The following HIBADH variants were observed in gnomAD, a reference collection of about 807,000 sequenced individuals.
HIBADH encodes the protein 3-hydroxyisobutyrate dehydrogenase, also known as 3-hydroxyisobutyrate dehydrogenase, mitochondrial.
A neutral mutation model predicts 36.1 loss-of-function variants in HIBADH; 25 were observed. That is an observed-to-expected ratio of 0.69 (90% CI 0.50 to 0.97). HIBADH has a LOEUF of 0.97. Ranked by LOEUF, HIBADH falls within the 50% of genes least tolerant of loss-of-function variation. The probability of loss-of-function intolerance (pLI) is 0.00; values close to 1 mark genes in which losing one functional copy is unlikely to be tolerated. For missense variants in HIBADH, 421 were observed against 418.0 expected (o/e 1.01, Z -0.06); for synonymous variants, 160 against 149.5 (o/e 1.07, Z -0.51).
intron 1 of HIBADH, among the ~76,000 whole-genome samples, chr7:27,660,655 A>G (rs988438119): frequency 2.0e-5 from 3 of 147,652 alleles, no homozygotes; most frequent in African/African-American, 7.7e-5. Context: ...ACAGACAAAG[A>G]CTCCGAGGGA....
At chr7:27,541,766 T>TA (rs747089495) in intron 5 of HIBADH, 33 of 426,236 alleles carry the variant, frequency 7.7e-5, no homozygotes, top group African/African-American at 2.7e-4. Context: ...CTAAACATGA[T>TA]AAAAAAATAC....
intron 1 of HIBADH, among the ~76,000 whole-genome samples, chr7:27,661,585 C>CAAA (rs61214015): frequency 6.0e-4 from 41 of 68,730 alleles, no homozygotes; most frequent in East Asian, 1.4e-3. Flanking sequence ...GACCCTGTCT[C>CAAA]AAAAAAAAAA....
intron 4 of HIBADH, among the ~76,000 whole-genome samples, chr7:27,576,196 C>A (rs1045275223): frequency 6.6e-6 from 1 of 152,270 alleles, no homozygotes; most frequent in East Asian, 1.9e-4. Context: ...AACCATTACA[C>A]CTATGTTCAC....
rs142741366 is a variant in HIBADH at position 27,627,492 on chromosome 7, A to G, written c.484+1879T>C. 1.8e-4 allele frequency among the ~76,000 whole-genome samples: 27 copies of G among 151,980 alleles called. No individual in the cohort carries two copies. In the East Asian group the frequency reaches 4.6e-3, roughly 26 times the overall value. ...ATTATTAAACTCTTTCTCTACTGCA[A>G]CTCCCATTGTGTCTGCATACTGGTC... On this transcript the variant is annotated intron_variant, in intron 4 of 7. Coordinates refer to ENST00000265395, the MANE Select transcript of HIBADH (RefSeq NM_152740.4).
chr7:27,550,654 C>T (rs1363928505), intron 4 of HIBADH, among the ~76,000 whole-genome samples: 1 of 152,180 alleles, frequency 6.6e-6, no homozygotes, highest in African/African-American at 2.4e-5. Flanking sequence ...CATGACCCCC[C>T]TTTCTCTATT....
chr7:27,638,308 CAA>C (rs368715218), intron 2 of HIBADH, among the ~76,000 whole-genome samples: 26 of 55,474 alleles, frequency 4.7e-4, no homozygotes, highest in Middle Eastern at 0.017. Flanking sequence ...TTGGCAAAGT[CAA>C]AAAAAAAAAA....
At chr7:27,643,464 T>A (rs1320143753) in intron 2 of HIBADH, among the ~76,000 whole-genome samples, 1 of 152,230 alleles carries the variant, frequency 6.6e-6, no homozygotes, top group African/African-American at 2.4e-5. Flanking sequence ...CATGCATAAT[T>A]AACTCACTTA....
In HIBADH at chr7:27,595,263, T is replaced by G. The variant is rs113160936; in HGVS notation, c.484+34108A>C. On this transcript the variant is annotated intron_variant, in intron 4 of 7. Coordinates refer to ENST00000265395, the MANE Select transcript of HIBADH (RefSeq NM_152740.4). ...CAGGCGCAGTGGCTCACACCTATAA[T>G]CCCAGCACTGTGGGAGGCTGAAGTG... Among the ~76,000 whole-genome samples the G allele has an allele frequency of 8.5e-5, 13 of 152,294 alleles. 1 individual carries two copies. The highest frequency in any genetic ancestry group is 3.1e-4 in the African/African-American group (13 of 41,556).
intron 4 of HIBADH, among the ~76,000 whole-genome samples, chr7:27,581,416 T>C (rs1784787051): frequency 6.6e-6 from 1 of 152,166 alleles, no homozygotes; most frequent in Non-Finnish European, 1.5e-5. Flanking sequence ...AGGTGTTTAA[T>C]TATTCTGCTT....
chr7:27,642,140 G>A (rs1157897790), intron 2 of HIBADH, among the ~76,000 whole-genome samples: 9 of 152,074 alleles, frequency 5.9e-5, no homozygotes, highest in Non-Finnish European at 1.3e-4. Flanking sequence ...CATATTGCAA[G>A]GAAGAAGAAA....
At position 27,602,829 on chromosome 7, in the gene HIBADH, CTA is replaced by C. The variant is rs558611412; in HGVS notation, c.484+26540_484+26541del. On this transcript the variant is annotated intron_variant, in intron 4 of 7. Transcript: ENST00000265395. ...CTTTCTCATTATTTACTCTTTCCTA[CTA>C]TGTTTCGCATGCCAAAAAAAATCCA... Among the ~76,000 whole-genome samples the C allele has an allele frequency of 1.4e-3, 216 of 152,264 alleles. 1 individual carries two copies. Among genetic ancestry groups the C allele is most frequent in the African/African-American group, 5.0e-3 (207 of 41,562 alleles).
chr7:27,604,821 G>GT (rs943942239), intron 4 of HIBADH, among the ~76,000 whole-genome samples: 23 of 152,010 alleles, frequency 1.5e-4, no homozygotes, highest in African/African-American at 4.8e-4. Context: ...GGAGGGGAGG[G>GT]TTTTGCTTTT....
intron 3 of HIBADH, among the ~76,000 whole-genome samples, chr7:27,631,374 G>C (rs987457970): frequency 1.3e-5 from 2 of 152,126 alleles, no homozygotes; most frequent in African/African-American, 4.8e-5. Context: ...TTCCTTCCAA[G>C]TTGGTTAGTT....
At chr7:27,626,574 TTAAG>T (rs1167444304) in intron 4 of HIBADH, among the ~76,000 whole-genome samples, 31 of 152,280 alleles carry the variant, frequency 2.0e-4, no homozygotes, top group Non-Finnish European at 2.6e-4. Flanking sequence ...AGAAAAATGA[TTAAG>T]TAATAATTCT....
At chr7:27,551,337 A>G (rs560983826) in intron 4 of HIBADH, among the ~76,000 whole-genome samples, 3 of 152,290 alleles carry the variant, frequency 2.0e-5, no homozygotes, top group South Asian at 2.1e-4. Context: ...ACACCTCTCA[A>G]TCTTGGTTTC....
intron 1 of HIBADH, among the ~76,000 whole-genome samples, chr7:27,654,175 T>C (rs1318208641): frequency 1.3e-5 from 2 of 152,122 alleles, no homozygotes; most frequent in East Asian, 3.9e-4. Flanking sequence ...GATACAGCAA[T>C]AGAAACTATT....
intron 4 of HIBADH, among the ~76,000 whole-genome samples, chr7:27,555,876 G>A (rs1784382201): frequency 6.6e-6 from 1 of 152,122 alleles, no homozygotes; most frequent in Non-Finnish European, 1.5e-5. Context: ...GCATGCAAGT[G>A]TGTGTCCTGA....
intron 4 of HIBADH, among the ~76,000 whole-genome samples, chr7:27,618,600 G>A (rs926404789): frequency 6.6e-6 from 1 of 152,170 alleles, no homozygotes; most frequent in Non-Finnish European, 1.5e-5. Flanking sequence ...CCCAAGAATT[G>A]GTCCACTGGT....
At chr7:27,529,499 G>T (rs764423089) in intron 7 of HIBADH, among the ~76,000 whole-genome samples, 1 of 152,186 alleles carries the variant, frequency 6.6e-6, no homozygotes, top group Non-Finnish European at 1.5e-5. Context: ...GACTTCAATG[G>T]AGAAAGTCAC....
Sources: gnomAD v4.1 joint callset for allele counts (sites outside exome capture counted in the v4.1 genomes callset) on GRCh38, gnomAD v4.1.1 for gene constraint, MANE v1.5 for transcripts, NCBI Gene and HGNC (gene_info 2026-07-23, HGNC 2026-07-21) for gene names.